Variants in KCNQ1 observed in about 807,000 individuals in gnomAD.
KCNQ1 encodes the protein potassium voltage-gated channel subfamily KQT member 1.
In KCNQ1, 49 loss-of-function variants were observed where a neutral mutation model predicts 72.4. The ratio of observed to expected loss-of-function variants is 0.68; its 90% CI spans 0.54 to 0.86. KCNQ1 has a LOEUF of 0.86. Ranked by LOEUF, KCNQ1 falls within the 40% of genes least tolerant of loss-of-function variation. The pLI is 0.00. For synonymous variants in KCNQ1, 450 were observed against 412.6 expected (o/e 1.09, Z -1.10); for missense variants, 790 against 945.1 (o/e 0.84, Z 2.15).
intron 11 of KCNQ1, chr11:2,692,953 CAAT>C: frequency 2.5e-6 from 1 of 398,668 alleles, no homozygotes; most frequent in South Asian, 1.3e-4. Flanking sequence ...CCCATACGCT[CAAT>C]AATGAGGCCC....
intron 10 of KCNQ1, chr11:2,638,333 T>G (rs1047426141): frequency 6.6e-6 from 1 of 152,258 alleles, no homozygotes; most frequent in South Asian, 2.1e-4. Flanking sequence ...TTTCCATGTT[T>G]AGTGCTTCCT....
At position 2,537,148 on chromosome 11, in the gene KCNQ1, C is replaced by T. The variant is rs1359942111; in HGVS notation, c.477+9130C>T. 6.6e-6 allele frequency among the ~76,000 whole-genome samples: 1 copy of T among 151,814 alleles called. No homozygotes were observed. The highest frequency in any genetic ancestry group is 6.6e-5 in the Admixed American group (1 of 15,262). ...TTCATCATATGAATTTGAGGGCAAC[C>T]CAGGGGTCTCCAAACCATGGCCCAC... is the stretch of plus-strand genomic sequence containing the variant. On this transcript the variant is annotated intron_variant, in intron 2 of 15. Coordinates refer to ENST00000155840, the MANE Select transcript of KCNQ1 (RefSeq NM_000218.3). The surrounding 1 kb of genome is among the most constrained non-coding windows in gnomAD (Gnocchi z 5.2).
At chr11:2,758,541 C>A (rs996366340) in intron 11 of KCNQ1, among the ~76,000 whole-genome samples, 1 of 152,324 alleles carries the variant, frequency 6.6e-6, no homozygotes, top group East Asian at 1.9e-4. Context: ...ATCCCGGCAA[C>A]TGAACTCCTC....
chr11:2,790,612 C>T (rs1007362921), intron 15 of KCNQ1, among the ~76,000 whole-genome samples: 3 of 152,260 alleles, frequency 2.0e-5, no homozygotes, highest in African/African-American at 7.2e-5. Flanking sequence ...GGTGCAAGCT[C>T]TGCCCCCTAC....
chr11:2,813,034 G>A lies in KCNQ1; in HGVS notation c.1795-34733G>A, dbSNP rs548741649. On this transcript the variant is annotated intron_variant, in intron 15 of 15. Coordinates refer to ENST00000155840, the MANE Select transcript of KCNQ1 (RefSeq NM_000218.3). This position sits in a 1 kb window ranked among gnomAD's most constrained non-coding sequence, Gnocchi z 4.4. Reference sequence around the variant, plus strand: ...TGCCTGTGCCTGGAGGCTGTGGCCTGGCTCTCCAGCTGGAACAGAAGCTCT... The same window carrying A: ...TGCCTGTGCCTGGAGGCTGTGGCCTAGCTCTCCAGCTGGAACAGAAGCTCT... Among the ~76,000 whole-genome samples, 3 of 152,238 alleles carry A rather than the reference G, an allele frequency of 2.0e-5. No homozygotes were observed. Among genetic ancestry groups the A allele is most frequent in the Non-Finnish European group, 4.4e-5 (3 of 68,040 alleles).
intron 10 of KCNQ1, chr11:2,630,411 C>T: frequency 2.5e-6 from 1 of 398,226 alleles, no homozygotes. Flanking sequence ...AGTATGAGGG[C>T]AATGCTAGCC....
At chr11:2,820,625 G>C (rs1298425814) in intron 15 of KCNQ1, among the ~76,000 whole-genome samples, 2 of 152,280 alleles carry the variant, frequency 1.3e-5, no homozygotes, top group East Asian at 3.9e-4. Context: ...CAGTTTCTGA[G>C]AGACAGGCAC....
chr11:2,656,773 A>T (rs1849857575), intron 10 of KCNQ1: 1 of 398,540 alleles, frequency 2.5e-6, no homozygotes, highest in Non-Finnish European at 4.4e-6. Flanking sequence ...TTCTTTTAAA[A>T]AAAACCATCC....
Position 2,544,280 on chromosome 11 carries a change from G to GTGTATATA in KCNQ1, c.477+16264_477+16271dup, listed in dbSNP as rs59615496. On this transcript the variant is annotated intron_variant, in intron 2 of 15. Transcript: ENST00000155840. This position sits in a 1 kb window ranked among gnomAD's most constrained non-coding sequence, Gnocchi z 4.4. Reference sequence around the variant, plus strand: ...TATATGTGTGTGTGTGTATATATATGTGTATATATATATGTATATATGTGT... The same window carrying GTGTATATA: ...TATATGTGTGTGTGTGTATATATATGTGTATATATGTATATATATATGTATATATGTGT... Among the ~76,000 whole-genome samples the GTGTATATA allele has an allele frequency of 6.4e-5, 5 of 78,292 alleles. No homozygotes were observed. Among genetic ancestry groups the GTGTATATA allele is most frequent in the East Asian group, 3.9e-4 (1 of 2,540 alleles). 51.4% of individuals were successfully genotyped at this position (78,292 alleles called of 152,430 possible).
At chr11:2,765,870 A>G (rs1213935048) in intron 11 of KCNQ1, among the ~76,000 whole-genome samples, 1 of 152,166 alleles carries the variant, frequency 6.6e-6, no homozygotes, top group Non-Finnish European at 1.5e-5. Flanking sequence ...GTTTTTAATC[A>G]TGACAATCTT....
At chr11:2,575,590 T>C (rs1848411683) in intron 6 of KCNQ1, among the ~76,000 whole-genome samples, 1 of 152,214 alleles carries the variant, frequency 6.6e-6, no homozygotes, top group Admixed American at 6.5e-5. Flanking sequence ...TTCTTTCAGC[T>C]CCTTTGTCCT....
intron 15 of KCNQ1, among the ~76,000 whole-genome samples, chr11:2,812,074 G>T (rs992181584): frequency 6.6e-6 from 1 of 152,010 alleles, no homozygotes; most frequent in African/African-American, 2.4e-5. Flanking sequence ...CTAAGCCGCC[G>T]CCTCCTCAGG....
intron 11 of KCNQ1, among the ~76,000 whole-genome samples, chr11:2,738,590 C>T (rs1419563568): frequency 6.6e-6 from 1 of 152,188 alleles, no homozygotes; most frequent in African/African-American, 2.4e-5. Flanking sequence ...GCCAAGTCAG[C>T]CTGTCCCATC....
chr11:2,672,261 T>A, intron 11 of KCNQ1: 1 of 398,676 alleles, frequency 2.5e-6, no homozygotes, highest in East Asian at 3.6e-5. Context: ...CTTTTCTTTT[T>A]GAACTGCCCC....
chr11:2,759,138 GTCTATAA>G lies in KCNQ1; in HGVS notation c.1515-9704_1515-9698del. Among the ~76,000 whole-genome samples, 1 of 151,004 alleles carries G rather than the reference GTCTATAA, an allele frequency of 6.6e-6. No homozygotes were observed. Among genetic ancestry groups the G allele is most frequent in the East Asian group, 1.9e-4 (1 of 5,166 alleles). On this transcript the variant is annotated intron_variant, in intron 11 of 15. Coordinates refer to ENST00000155840, the MANE Select transcript of KCNQ1 (RefSeq NM_000218.3). The surrounding 1 kb of genome is among the most constrained non-coding windows in gnomAD (Gnocchi z 4.4). ...TTTTTTTTTTCCCAACTTCCTAGGA[GTCTATAA>G]TTGTTTCAAAATAAAAAGAAGCAAA... is the stretch of plus-strand genomic sequence containing the variant.
intron 2 of KCNQ1, among the ~76,000 whole-genome samples, chr11:2,535,462 G>A (rs1251192448): frequency 6.6e-6 from 1 of 152,222 alleles, no homozygotes; most frequent in Non-Finnish European, 1.5e-5. Context: ...GGGGACAGGA[G>A]AAGTGACTTG....
rs1850595734 is a variant in KCNQ1 at position 2,691,991 on chromosome 11, G to A, written c.1514+29910G>A. 1 of 398,552 alleles carries A rather than the reference G, an allele frequency of 2.5e-6. No individual in the cohort carries two copies. The highest frequency in any genetic ancestry group is 4.4e-6 in the Non-Finnish European group (1 of 226,086). 24.7% of individuals were successfully genotyped at this position (398,552 alleles called of 1,614,324 possible). A position where few individuals can be genotyped will look rare whatever the true frequency, so the allele number is the denominator to read the frequency against. On this transcript the variant is annotated intron_variant, in intron 11 of 15. Transcript: ENST00000155840. The surrounding 1 kb of genome is among the most constrained non-coding windows in gnomAD (Gnocchi z 6.4). The stretch of plus-strand genomic sequence containing the variant: ...TCTATGCAAACCATTTCCCTAAGCT[G>A]TTCCCTCAGCACCAAGGGCTTCCAG...
At chr11:2,684,310 G>A in intron 11 of KCNQ1, 2 of 398,626 alleles carry the variant, frequency 5.0e-6, no homozygotes, top group Middle Eastern at 6.3e-4. Context: ...TTTCTTCCCT[G>A]CAGTCTCTCT....
intron 2 of KCNQ1, among the ~76,000 whole-genome samples, chr11:2,561,659 C>A (rs758951904): frequency 1.3e-5 from 2 of 152,238 alleles, no homozygotes; most frequent in African/African-American, 2.4e-5. Context: ...CTGCCCTGTG[C>A]CCATCCTCCT....
Sources: allele counts gnomAD v4.1 joint callset (sites outside exome capture counted in the v4.1 genomes callset), GRCh38; gene constraint gnomAD v4.1.1; non-coding constraint Gnocchi (gnomAD v3.1); transcripts MANE v1.5; gene names NCBI Gene and HGNC (gene_info 2026-07-23, HGNC 2026-07-21).